HNRNPM: variants seen among roughly 807,000 people sequenced by gnomAD.
The protein encoded by HNRNPM is CEA receptor.
In HNRNPM, 11 loss-of-function variants were observed where a neutral mutation model predicts 73.1. The observed-to-expected ratio is 0.15, with a 90% CI of 0.09 to 0.25. The LOEUF (loss-of-function observed/expected upper bound fraction) is 0.25. Among genes scored for constraint, HNRNPM ranks in the 10% least tolerant of loss-of-function variants. HNRNPM has a pLI of 1.00. For synonymous variants in HNRNPM, 407 were observed against 355.2 expected, an observed-to-expected ratio of 1.15 and a Z score of -1.64; for missense variants, 789 against 1,067.9, an observed-to-expected ratio of 0.74 and a Z score of 3.64.
At chr19:8,480,362 TAAAAC>T (rs1301963179) in intron 12 of HNRNPM, among the ~76,000 whole-genome samples, 1 of 125,688 alleles carries the variant, frequency 8.0e-6, no homozygotes, top group African/African-American at 3.0e-5. Context: ...AAAAAAAAAT[TAAAAC>T]TTACTGTCAT....
intron 5 of HNRNPM, among the ~76,000 whole-genome samples, chr19:8,464,130 A>G (rs1476212889): frequency 6.6e-6 from 1 of 152,088 alleles, no homozygotes; most frequent in Non-Finnish European, 1.5e-5. Flanking sequence ...CTGTAGTCCT[A>G]GCTACTTGGG....
At chr19:8,451,849 C>T (rs1388210845) in intron 1 of HNRNPM, among the ~76,000 whole-genome samples, 3 of 151,996 alleles carry the variant, frequency 2.0e-5, no homozygotes, top group Non-Finnish European at 2.9e-5. Flanking sequence ...ATATGTGTCT[C>T]GAATGATATT....
intron 1 of HNRNPM, among the ~76,000 whole-genome samples, chr19:8,451,828 A>G (rs1012142962): frequency 6.6e-6 from 1 of 152,156 alleles, no homozygotes; most frequent in Non-Finnish European, 1.5e-5. Context: ...CACCATGGCC[A>G]GTCTGCTTGA....
chr19:8,476,636 A>G (rs547343682), intron 12 of HNRNPM, among the ~76,000 whole-genome samples: 9 of 152,012 alleles, frequency 5.9e-5, no homozygotes, highest in Admixed American at 3.3e-4. Context: ...GACAGTGAAA[A>G]TGCTACCCTT....
Position 8,486,201 on chromosome 19 carries a change from C to G in HNRNPM, c.1773C>G (p.Arg591=), listed in dbSNP as rs1355506232. Residue 591 remains arginine, a synonymous_variant, in exon 14 of 16, where the codon CGC becomes CGG. Transcript: ENST00000325495. The part of the protein sequence containing the change: ...LERMGANSLE[R]MGPAMGPALG... Reference sequence around the variant, plus strand: ...GCATGGGTGCCAACAGCCTCGAGCGCATGGGCCCTGCCATGGGCCCGGCCC... The same window carrying G: ...GCATGGGTGCCAACAGCCTCGAGCGGATGGGCCCTGCCATGGGCCCGGCCC... 2.5e-6 allele frequency: 4 copies of G among 1,579,244 alleles called. No homozygotes were observed. The African/African-American group carries it at 5.4e-5, about 21-fold the overall frequency.
At chr19:8,473,582 G>A (rs1044089662) in intron 10 of HNRNPM, 82 bp from the exon 11 acceptor site, 1 of 844,004 alleles carries the variant, frequency 1.2e-6, no homozygotes, top group Non-Finnish European at 2.0e-6. Flanking sequence ...TCTTTTGCTG[G>A]TTTGGAATTA....
chr19:8,483,396 A>G (rs1435407743), intron 13 of HNRNPM, among the ~76,000 whole-genome samples, 185 bp downstream of exon 13: 1 of 152,202 alleles, frequency 6.6e-6, no homozygotes, highest in East Asian at 1.9e-4. Context: ...CATAGCACTC[A>G]TTTGTAAAAT....
intron 7 of HNRNPM, among the ~76,000 whole-genome samples, chr19:8,467,038 T>C (rs756347888): frequency 6.6e-6 from 1 of 151,586 alleles, no homozygotes; most frequent in Non-Finnish European, 1.5e-5. Flanking sequence ...TACATCCTTA[T>C]AGGACCTCAC....
At chr19:8,486,501 A>G (rs1027696465) in intron 14 of HNRNPM, 96 bp downstream of exon 14, 1 of 1,044,946 alleles carries the variant, frequency 9.6e-7, no homozygotes, top group East Asian at 2.4e-5. Flanking sequence ...GCGCCCTTCA[A>G]AGGGGACCAC....
chr19:8,454,684 C>CTT (rs57290220), intron 1 of HNRNPM, among the ~76,000 whole-genome samples: 31 of 118,798 alleles, frequency 2.6e-4, no homozygotes, highest in African/African-American at 9.8e-4. Context: ...CCCCCCCCCC[C>CTT]TTTTTTTTTT....
At chr19:8,482,278 G>A (rs1042219952) in intron 12 of HNRNPM, among the ~76,000 whole-genome samples, 10 of 152,222 alleles carry the variant, frequency 6.6e-5, no homozygotes, top group African/African-American at 2.4e-4. Context: ...TAATGGCTTT[G>A]TGGCCGTGGT....
At chr19:8,487,132 C>A in intron 15 of HNRNPM, 57 bp downstream of exon 15, 1 of 1,456,176 alleles carries the variant, frequency 6.9e-7, no homozygotes, top group Non-Finnish European at 9.7e-7. Flanking sequence ...GTGACGCAGC[C>A]GAGTCAGCAG....
intron 8 of HNRNPM, among the ~76,000 whole-genome samples, chr19:8,467,941 C>A (rs1969868557): frequency 6.6e-6 from 1 of 152,066 alleles, no homozygotes; most frequent in Non-Finnish European, 1.5e-5. Context: ...GCAGGAGAAT[C>A]ACTTGAACGT....
At chr19:8,477,482 A>C (rs867554597) in intron 12 of HNRNPM, among the ~76,000 whole-genome samples, 2 of 151,902 alleles carry the variant, frequency 1.3e-5, no homozygotes, top group Middle Eastern at 3.4e-3. Flanking sequence ...ACATAGTGAG[A>C]CCTCCTCTCT....
intron 1 of HNRNPM, among the ~76,000 whole-genome samples, chr19:8,451,538 C>A (rs572767561): frequency 2.0e-5 from 3 of 151,998 alleles, no homozygotes; most frequent in Non-Finnish European, 4.4e-5. Flanking sequence ...TCCCCTTCCC[C>A]TTCCCCTTCC....
rs904167717 is a variant in HNRNPM, at chr19:8,486,423, A to C, written c.1977+18A>C. 1.9e-6 allele frequency: 3 copies of C among 1,541,244 alleles called. No individual in the cohort carries two copies. In the Admixed American group the frequency reaches 5.9e-5, roughly 30 times the overall value. On this transcript the variant is annotated intron_variant, in intron 14 of 15. Coordinates refer to ENST00000325495, the MANE Select transcript of HNRNPM (RefSeq NM_005968.5). ...TGAGAAATGTAAGTGGCTCTTGGGG[A>C]ACTTCTTGGTGGTGGTGAGCATGAG...
At chr19:8,477,413 T>G (rs1970584803) in intron 12 of HNRNPM, among the ~76,000 whole-genome samples, 1 of 152,002 alleles carries the variant, frequency 6.6e-6, no homozygotes, top group Non-Finnish European at 1.5e-5. Context: ...ATCCCAACAC[T>G]TTGGGAGGCT....
chr19:8,474,336 G>A, intron 12 of HNRNPM, 92 bp downstream of exon 12: 2 of 737,216 alleles, frequency 2.7e-6, no homozygotes, highest in Non-Finnish European at 4.3e-6. Flanking sequence ...CTGAATAAGT[G>A]GTTTCTCACT....
intron 12 of HNRNPM, among the ~76,000 whole-genome samples, chr19:8,478,821 G>T (rs1970691095): frequency 6.6e-6 from 1 of 152,082 alleles, no homozygotes; most frequent in Non-Finnish European, 1.5e-5. Flanking sequence ...GGCTCCCTAG[G>T]CCTGGAGCGT....
Sources: gnomAD v4.1 joint callset for allele counts (sites outside exome capture counted in the v4.1 genomes callset) on GRCh38, gnomAD v4.1.1 for gene constraint, MANE v1.5 for transcripts, NCBI Gene and HGNC (gene_info 2026-07-23, HGNC 2026-07-21) for gene names.